The following TTC34 variants were observed in gnomAD, a reference collection of about 807,000 sequenced individuals.
TTC34 encodes the protein tetratricopeptide repeat protein 34.
In TTC34, 44 loss-of-function variants were observed where a neutral mutation model predicts 40.7. The ratio of observed to expected loss-of-function variants is 1.08; its 90% CI spans 0.85 to 1.39. The LOEUF (loss-of-function observed/expected upper bound fraction) is 1.39, where lower values mean the gene tolerates loss of function less well. Among genes scored for constraint, TTC34 ranks in the 40% most tolerant of loss-of-function variants. The pLI, the probability that TTC34 is intolerant of heterozygous loss-of-function variation, is 0.00. For missense variants in TTC34, 884 were observed against 838.0 expected, an observed-to-expected ratio of 1.05 and a Z score of -0.68; for synonymous variants, 422 against 398.6, an observed-to-expected ratio of 1.06 and a Z score of -0.70.
chr1:2,751,171 C>G lies in TTC34; in HGVS notation c.2226+32438G>C, dbSNP rs1360930753. 2.6e-5 allele frequency among the ~76,000 whole-genome samples: 3 copies of G among 115,904 alleles called. 1 individual carries two copies. The highest frequency in any genetic ancestry group is 1.8e-4 in the Admixed American group (2 of 11,196). 76.0% of individuals were successfully genotyped at this position (115,904 alleles called of 152,430 possible). ...CACCCTGGAGCAGCACGCACATCCC[C>G]AGGCGAGCATCCGACAGCCTGGAGC... On this transcript the variant is annotated intron_variant, in intron 6 of 8. Transcript: ENST00000401095.
intron 6 of TTC34, among the ~76,000 whole-genome samples, chr1:2,760,187 G>T (rs1641650643): frequency 1.6e-5 from 2 of 121,604 alleles, no homozygotes; most frequent in African/African-American, 3.8e-5. Context: ...TGACCGCCCG[G>T]AGCAGCACCC....
rs568535884 is a variant in TTC34, at chr1:2,775,241, A to G, written c.2226+8368T>C. On this transcript the variant is annotated intron_variant, in intron 6 of 8. Coordinates refer to ENST00000401095, the Ensembl canonical transcript of TTC34. ...ACAGCATCCACACCCCCAGGCGAGC[A>G]TCTGACTGTATGGAATGACATCCTC... 7 of 150,070 alleles carry G rather than the reference A, an allele frequency of 4.7e-5. No individual in the cohort carries two copies. In the South Asian group the frequency reaches 1.3e-3, roughly 27 times the overall value. 9.3% of individuals were successfully genotyped at this position (150,070 alleles called of 1,614,324 possible).
chr1:2,687,628 C>G, intron 6 of TTC34, among the ~76,000 whole-genome samples: 1 of 150,874 alleles, frequency 6.6e-6, no homozygotes, highest in East Asian at 2.0e-4. Context: ...CAGCTGATAT[C>G]CTGGAACAGC....
At chr1:2,787,874 G>C (rs948286251) in intron 3 of TTC34, among the ~76,000 whole-genome samples, 168 bp from the exon 4 acceptor site, 3 of 152,224 alleles carry the variant, frequency 2.0e-5, no homozygotes, top group Non-Finnish European at 4.4e-5. Context: ...GCCCTTCCTA[G>C]CATGCGGCCC....
At chr1:2,780,543 G>A (rs1569947343) in intron 6 of TTC34, among the ~76,000 whole-genome samples, 1 of 152,256 alleles carries the variant, frequency 6.6e-6, no homozygotes, top group Middle Eastern at 3.4e-3. Context: ...CCATTGAATG[G>A]TCTTGGTCAA....
chr1:2,674,802 C>G, intron 6 of TTC34, among the ~76,000 whole-genome samples: 1 of 92,252 alleles, frequency 1.1e-5, no homozygotes, highest in African/African-American at 3.5e-5. Flanking sequence ...CACCCACAAC[C>G]CCAAGTGAGC....
At chr1:2,747,714 GCACCCCC>G (rs1641198837) in intron 6 of TTC34, among the ~76,000 whole-genome samples, 3 of 12,404 alleles carry the variant, frequency 2.4e-4, no homozygotes, top group African/African-American at 1.5e-3. Flanking sequence ...ACAGCACCCC[GCACCCCC>G]AGGCGAGCAT....
At chr1:2,647,902 A>C (rs1382657927) in intron 6 of TTC34, among the ~76,000 whole-genome samples, 1 of 152,024 alleles carries the variant, frequency 6.6e-6, no homozygotes, top group African/African-American at 2.4e-5. Flanking sequence ...GAGTTCACTA[A>C]TCCTGCTTTG....
chr1:2,666,168 A>AC (rs1639646556), intron 6 of TTC34, among the ~76,000 whole-genome samples: 1 of 117,860 alleles, frequency 8.5e-6, no homozygotes, highest in Admixed American at 8.5e-5. Context: ...CAGCACCCAC[A>AC]CCCACAGGTG....
At chr1:2,760,762 T>A (rs1226903093) in intron 6 of TTC34, among the ~76,000 whole-genome samples, 2 of 8,032 alleles carry the variant, frequency 2.5e-4, no homozygotes, top group Non-Finnish European at 3.5e-4. Context: ...CATCACATAC[T>A]CCCCCAGGTG....
intron 6 of TTC34, among the ~76,000 whole-genome samples, chr1:2,687,687 C>T (rs1373941757): frequency 6.6e-6 from 1 of 151,512 alleles, no homozygotes; most frequent in Admixed American, 6.6e-5. Flanking sequence ...GCACGCACAC[C>T]CCCAGTTGAG....
intron 6 of TTC34, among the ~76,000 whole-genome samples, chr1:2,764,339 C>A (rs1641730395): frequency 6.9e-6 from 1 of 144,260 alleles, no homozygotes; most frequent in Admixed American, 6.9e-5. Context: ...GCAGCGCCCA[C>A]ACCCCCAAGT....
At chr1:2,650,854 A>G (rs1183346328) in intron 6 of TTC34, among the ~76,000 whole-genome samples, 2 of 144,586 alleles carry the variant, frequency 1.4e-5, no homozygotes, top group African/African-American at 5.3e-5. Context: ...GACAGCCTGA[A>G]ACCAGACCCA....
At chr1:2,798,928 C>T (rs1451844070) in intron 2 of TTC34, among the ~76,000 whole-genome samples, 18 of 102,192 alleles carry the variant, frequency 1.8e-4, no homozygotes, top group Admixed American at 2.0e-4. Flanking sequence ...CCTCGCAGCC[C>T]CCCAGCCTCC....
At chr1:2,791,130 G>T (rs530290095) in intron 2 of TTC34, among the ~76,000 whole-genome samples, 22 of 129,712 alleles carry the variant, frequency 1.7e-4, no homozygotes, top group Admixed American at 1.0e-3. Context: ...CACCCTCCCC[G>T]CGCACCTGCC....
intron 6 of TTC34, among the ~76,000 whole-genome samples, chr1:2,753,043 C>G (rs1641377123): frequency 6.6e-6 from 1 of 150,704 alleles, no homozygotes; most frequent in African/African-American, 2.4e-5. Flanking sequence ...CAGCCTGGAG[C>G]AGCACCCACA....
chr1:2,648,533 C>A (rs1639064040), intron 6 of TTC34, among the ~76,000 whole-genome samples: 1 of 152,054 alleles, frequency 6.6e-6, no homozygotes, highest in African/African-American at 2.4e-5. Context: ...AACATTTGCT[C>A]ATGCATTATA....
intron 6 of TTC34, among the ~76,000 whole-genome samples, chr1:2,768,575 C>A (rs1453842134): frequency 2.6e-5 from 4 of 151,962 alleles, no homozygotes; most frequent in Non-Finnish European, 5.9e-5. Context: ...GATAGGCACT[C>A]CACACAGCCA....
chr1:2,691,201 G>T (rs756351228), intron 6 of TTC34, among the ~76,000 whole-genome samples: 1 of 36,554 alleles, frequency 2.7e-5, no homozygotes, highest in African/African-American at 9.2e-5. Flanking sequence ...AGCATCTGAC[G>T]GCCTGGAACA....
Sources: allele counts gnomAD v4.1 joint callset (sites outside exome capture counted in the v4.1 genomes callset), GRCh38; gene constraint gnomAD v4.1.1; transcripts MANE v1.5; gene names NCBI Gene and HGNC (gene_info 2026-07-23, HGNC 2026-07-21).